STAMBPL1: variants seen among roughly 807,000 people sequenced by gnomAD.
STAMBPL1 encodes STAM binding protein like 1, also known as AMSH-like protease.
STAMBPL1 carries 44 observed loss-of-function variants against 52.9 expected under a neutral mutation model. The observed-to-expected ratio is 0.83, with a 90% CI of 0.65 to 1.07. The LOEUF (loss-of-function observed/expected upper bound fraction) is 1.07. STAMBPL1 is among the 50% of genes least tolerant of loss of function. The pLI is 0.00. For synonymous variants in STAMBPL1, 164 were observed against 177.3 expected (o/e 0.92, Z 0.60); for missense variants, 511 against 520.8 (o/e 0.98, Z 0.18).
intron 7 of STAMBPL1, among the ~76,000 whole-genome samples, chr10:88,915,031 C>T (rs1486163494): frequency 6.6e-6 from 1 of 152,122 alleles, no homozygotes; most frequent in East Asian, 1.9e-4. Flanking sequence ...TTAACTTCAT[C>T]TGTGGCATGT....
chr10:88,912,131 T>TG (rs1845241072), intron 5 of STAMBPL1, among the ~76,000 whole-genome samples: 1 of 152,168 alleles, frequency 6.6e-6, no homozygotes, highest in African/African-American at 2.4e-5. Context: ...TGTGAGCCCT[T>TG]GCTTCACCAG....
At chr10:88,895,608 T>C (rs1844792257) in intron 1 of STAMBPL1, among the ~76,000 whole-genome samples, 1 of 152,258 alleles carries the variant, frequency 6.6e-6, no homozygotes, top group South Asian at 2.1e-4. Context: ...AATGGAACTT[T>C]ATTACCTCAT....
chr10:88,883,987 T>C (rs954729923), intron 1 of STAMBPL1, among the ~76,000 whole-genome samples: 1 of 152,188 alleles, frequency 6.6e-6, no homozygotes, highest in African/African-American at 2.4e-5. Context: ...GATGACAGAT[T>C]AGAAAGCTAT....
intron 1 of STAMBPL1, among the ~76,000 whole-genome samples, chr10:88,894,717 G>T (rs973858797): frequency 3.3e-5 from 5 of 152,078 alleles, no homozygotes; most frequent in Non-Finnish European, 4.4e-5. Context: ...CAGATTAAAC[G>T]GAGCAAATTA....
intron 1 of STAMBPL1, among the ~76,000 whole-genome samples, chr10:88,893,441 C>T (rs926645263): frequency 3.9e-5 from 6 of 152,006 alleles, no homozygotes; most frequent in East Asian, 3.8e-4. Flanking sequence ...ATCATTCTGC[C>T]GATGAAAAAA....
Position 88,901,672 on chromosome 10 carries a change from G to T in STAMBPL1, c.-37G>T. The T allele has an allele frequency of 6.3e-7, 1 of 1,597,722 alleles. No individual in the cohort carries two copies. The highest frequency in any genetic ancestry group is 1.4e-5 in the African/African-American group (1 of 74,010). On this transcript the variant is annotated 5_prime_UTR_variant, in exon 2 of 11. Coordinates refer to ENST00000371926, the MANE Select transcript of STAMBPL1 (RefSeq NM_020799.4). The stretch of plus-strand genomic sequence containing the variant: ...TTGAAACAGATGAAGTGATTGAGAA[G>T]AAACAGTGAACATCCTCATTTCACA...
chr10:88,912,764 T>G (rs1589374125), intron 5 of STAMBPL1: 1 of 205,688 alleles, frequency 4.9e-6, no homozygotes, highest in Non-Finnish European at 9.8e-6. Flanking sequence ...GCAGTAGGGG[T>G]GAGATATTTT....
At chr10:88,911,780 G>A (rs972785135) in intron 5 of STAMBPL1, among the ~76,000 whole-genome samples, 19 of 152,196 alleles carry the variant, frequency 1.2e-4, no homozygotes, top group African/African-American at 4.3e-4. Flanking sequence ...TGAGTGGAGA[G>A]TTTTAACGAA....
At chr10:88,882,247 G>A (rs1185108489) in intron 1 of STAMBPL1, 1 of 152,202 alleles carries the variant, frequency 6.6e-6, no homozygotes, top group African/African-American at 2.4e-5. Flanking sequence ...GGATTCTTAC[G>A]GTTTGTGGGA....
intron 2 of STAMBPL1, among the ~76,000 whole-genome samples, chr10:88,902,883 T>C (rs551193100): frequency 6.6e-6 from 1 of 152,352 alleles, no homozygotes; most frequent in African/African-American, 2.4e-5. Context: ...ATGTTTTTTC[T>C]TGACCAAGAA....
intron 2 of STAMBPL1, among the ~76,000 whole-genome samples, chr10:88,902,927 T>C (rs1167930085): frequency 6.6e-6 from 1 of 152,190 alleles, no homozygotes; most frequent in Admixed American, 6.5e-5. Flanking sequence ...CTTCAGAGTA[T>C]ATTTGGAAAG....
rs1447784895 is a variant in STAMBPL1, at chr10:88,923,194, C to T, written c.1281C>T (p.Asp427=). ...FSICKHVLVK[D]IKIIVLDLR ...TATGCAAACATGTGTTGGTAAAAGACATAAAAATAATTGTGTTGGATCTGA... is the reference window on the plus strand; with the variant it reads ...TATGCAAACATGTGTTGGTAAAAGATATAAAAATAATTGTGTTGGATCTGA... The change falls in exon 11 of 11, where the codon GAC becomes GAT. Residue 427 remains aspartate, a synonymous_variant. Transcript: ENST00000371926. The T allele has an allele frequency of 6.2e-7, 1 of 1,605,452 alleles. No homozygotes were observed. The highest frequency in any genetic ancestry group is 1.3e-5 in the African/African-American group (1 of 74,438).
chr10:88,902,569 GT>G (rs1819032225), intron 2 of STAMBPL1, among the ~76,000 whole-genome samples: 1 of 150,180 alleles, frequency 6.7e-6, no homozygotes, highest in African/African-American at 2.4e-5. Context: ...GTGACCTAAT[GT>G]TTTTTCTTTT....
intron 8 of STAMBPL1, among the ~76,000 whole-genome samples, chr10:88,917,508 C>T (rs182144078): frequency 2.0e-5 from 3 of 152,100 alleles, no homozygotes; most frequent in East Asian, 1.9e-4. Flanking sequence ...TTAAGCAATC[C>T]GAGCATCAGT....
intron 7 of STAMBPL1, 105 bp from the exon 8 acceptor site, chr10:88,916,575 C>A (rs1845374821): frequency 8.9e-7 from 1 of 1,126,292 alleles, no homozygotes; most frequent in Non-Finnish European, 1.2e-6. Flanking sequence ...CCTGGACACA[C>A]CCCCCTGCTG....
At chr10:88,903,741 A>G (rs756312569) in intron 2 of STAMBPL1, among the ~76,000 whole-genome samples, 6 of 152,228 alleles carry the variant, frequency 3.9e-5, no homozygotes, top group Non-Finnish European at 7.3e-5. Context: ...AGACATCTCA[A>G]TTGAAAAGAC....
intron 5 of STAMBPL1, chr10:88,912,734 G>C (rs1589374093): frequency 5.9e-6 from 1 of 169,764 alleles, no homozygotes; most frequent in Admixed American, 6.2e-5. Flanking sequence ...CATGTGGCTA[G>C]TGGCCACTAT....
In STAMBPL1 at chr10:88,914,571, A is replaced by G. The variant is rs765045857; in HGVS notation, c.816A>G (p.Pro272=). The G allele has an allele frequency of 1.9e-5, 30 of 1,540,266 alleles. No homozygotes were observed. The Admixed American group carries it at 3.1e-4, about 16-fold the overall frequency. The change falls in exon 7 of 11, where the codon CCA becomes CCG. Residue 272 remains proline (P), a synonymous_variant. Coordinates refer to ENST00000371926, the MANE Select transcript of STAMBPL1 (RefSeq NM_020799.4). ...VVEGLRCVVL[P]EDLCHKFLQL... Reference sequence around the variant, plus strand: ...AAGGACTGCGATGTGTAGTTTTGCCAGAAGATCTTTGCCACAAATTTCTGC... The same window carrying G: ...AAGGACTGCGATGTGTAGTTTTGCCGGAAGATCTTTGCCACAAATTTCTGC...
In STAMBPL1 at chr10:88,923,186, G is replaced by A. The variant is rs368433252; in HGVS notation, c.1273G>A (p.Val425Ile). ...RLFSICKHVL[V>I]KDIKIIVLDL... ...TTCCTAGATATGCAAACATGTGTTG[G>A]TAAAAGACATAAAAATAATTGTGTT... Residue 425 changes from valine to isoleucine, a missense_variant, in exon 11 of 11, where the codon GTA (valine) becomes ATA (isoleucine). This residue lies in a region of STAMBPL1 where 137 missense variants were observed against 139.9 expected (regional missense o/e 0.98). Transcript: ENST00000371926. The A allele has an allele frequency of 3.7e-6, 6 of 1,605,210 alleles. No individual in the cohort carries two copies. The African/African-American group carries it at 5.4e-5, about 14-fold the overall frequency.
Sources: gnomAD v4.1 joint callset for allele counts (sites outside exome capture counted in the v4.1 genomes callset) on GRCh38, gnomAD v4.1.1 for gene constraint, gnomAD v4.1.1 regional missense constraint, MANE v1.5 for transcripts, NCBI Gene and HGNC (gene_info 2026-07-23, HGNC 2026-07-21) for gene names.